The following DOCK3 variants were observed in gnomAD, a reference collection of about 807,000 sequenced individuals.
The protein encoded by DOCK3 is dedicator of cytokinesis 3, also known as dedicator of cytokinesis protein 3.
Under a neutral mutation model 265.6 loss-of-function variants are expected in DOCK3, and 60 were observed. That is an observed-to-expected ratio of 0.23 (90% CI 0.18 to 0.28). The LOEUF is 0.28. Among genes scored for constraint, DOCK3 ranks in the 10% least tolerant of loss-of-function variants. DOCK3 has a pLI of 1.00. For synonymous variants in DOCK3, 881 were observed against 938.0 expected, an observed-to-expected ratio of 0.94 and a Z score of 1.11; for missense variants, 1,981 against 2,594.3, an observed-to-expected ratio of 0.76 and a Z score of 5.14.
intron 5 of DOCK3, among the ~76,000 whole-genome samples, chr3:50,942,349 C>A (rs1166019151): frequency 6.6e-6 from 1 of 151,878 alleles, no homozygotes; most frequent in Middle Eastern, 3.2e-3. Context: ...TTTGTTAAAA[C>A]TAAAATATTT....
At chr3:51,159,156 A>G in intron 10 of DOCK3, 88 bp from the exon 11 acceptor site, 4 of 1,300,524 alleles carry the variant, frequency 3.1e-6, no homozygotes, top group Non-Finnish European at 4.4e-6. Context: ...TATAACATAC[A>G]GTAAAAGCAA....
intron 33 of DOCK3, among the ~76,000 whole-genome samples, chr3:51,332,038 G>T (rs1336482542): frequency 6.6e-6 from 1 of 152,234 alleles, no homozygotes; most frequent in Admixed American, 6.5e-5. Flanking sequence ...TTTCTCAGAA[G>T]CCTGGCCTAG....
chr3:51,248,367 A>G (rs1251236565), intron 22 of DOCK3, among the ~76,000 whole-genome samples: 12 of 152,094 alleles, frequency 7.9e-5, no homozygotes, highest in Non-Finnish European at 1.5e-4. Context: ...TGGTTTTCGT[A>G]TTTTTTTGGT....
chr3:51,264,275 A>G lies in DOCK3; in HGVS notation c.2355+3949A>G, dbSNP rs188711456. Among the ~76,000 whole-genome samples the G allele has an allele frequency of 7.1e-3, 1,086 of 152,284 alleles. 5 individuals are homozygous for G. The highest frequency in any genetic ancestry group is 0.011 in the Non-Finnish European group (748 of 68,016). On this transcript the variant is annotated intron_variant, in intron 23 of 52. Transcript: ENST00000266037. ...GAAACTCACTCAAAACCACACAACTACATGGAAACTGAACAACCTGCTCCT... is the reference window on the plus strand; with the variant it reads ...GAAACTCACTCAAAACCACACAACTGCATGGAAACTGAACAACCTGCTCCT...
At position 51,280,102 on chromosome 3, in the gene DOCK3, C is replaced by G. The variant is rs752278257; in HGVS notation, c.2824-4C>G. On this transcript the variant is annotated splice_polypyrimidine_tract_variant and splice_region_variant and intron_variant, in intron 26 of 52. Coordinates refer to ENST00000266037, the MANE Select transcript of DOCK3 (RefSeq NM_004947.5). ...GCTAAGTGTTTTTTTGGGTTGGTCC[C>G]TAGGGCGAGTATGTGTCCTGCCTTC... 1.2e-6 allele frequency: 2 copies of G among 1,613,258 alleles called. No homozygotes were observed. The highest frequency in any genetic ancestry group is 1.7e-6 in the Non-Finnish European group (2 of 1,179,578).
At chr3:51,199,831 C>T (rs1448002270) in intron 12 of DOCK3, among the ~76,000 whole-genome samples, 5 of 152,166 alleles carry the variant, frequency 3.3e-5, no homozygotes, top group African/African-American at 1.2e-4. Context: ...TCCTCTGAGA[C>T]AAAACTTCCA....
intron 9 of DOCK3, among the ~76,000 whole-genome samples, chr3:51,095,467 A>T (rs549434769): frequency 6.6e-6 from 1 of 152,016 alleles, no homozygotes; most frequent in Non-Finnish European, 1.5e-5. Context: ...TTCTTTAAGA[A>T]TGTTGACTAG....
At chr3:50,726,290 A>T (rs1268369558) in intron 1 of DOCK3, among the ~76,000 whole-genome samples, 1 of 152,164 alleles carries the variant, frequency 6.6e-6, no homozygotes, top group Non-Finnish European at 1.5e-5. Flanking sequence ...TCAGCCATTC[A>T]GAAGAAGGGA....
intron 1 of DOCK3, among the ~76,000 whole-genome samples, chr3:50,751,736 A>G (rs537801171): frequency 6.6e-6 from 1 of 152,312 alleles, no homozygotes; most frequent in South Asian, 2.1e-4. Flanking sequence ...CAGGTAATTT[A>G]TAAAGGAAAG....
chr3:50,841,435 T>A (rs2045819355), intron 2 of DOCK3, among the ~76,000 whole-genome samples: 2 of 152,206 alleles, frequency 1.3e-5, no homozygotes, highest in East Asian at 3.8e-4. Context: ...AAGTCTTTTC[T>A]AATTGCATTT....
intron 5 of DOCK3, among the ~76,000 whole-genome samples, chr3:51,003,415 A>G (rs2078554724): frequency 6.6e-6 from 1 of 152,256 alleles, no homozygotes; most frequent in African/African-American, 2.4e-5. Flanking sequence ...TATATTGGTG[A>G]AACTTAAAAA....
At chr3:50,887,849 G>A (rs952734317) in intron 3 of DOCK3, among the ~76,000 whole-genome samples, 6 of 150,678 alleles carry the variant, frequency 4.0e-5, no homozygotes, top group African/African-American at 7.3e-5. Context: ...AAACTATACC[G>A]ATTGAACGTA....
intron 4 of DOCK3, among the ~76,000 whole-genome samples, chr3:50,930,606 C>T (rs1031151581): frequency 6.6e-6 from 1 of 152,222 alleles, no homozygotes; most frequent in African/African-American, 2.4e-5. Context: ...CCCCAGGCTC[C>T]CTTGGTGGCT....
rs1007280904 is a variant in DOCK3, at chr3:50,754,110, C to G, written c.38-24565C>G. ...GGCGGAGGTTGCAGTGAGCCAAGATCGTGCCACTGCACTCCAGCCTGGGTG... is the reference window on the plus strand; with the variant it reads ...GGCGGAGGTTGCAGTGAGCCAAGATGGTGCCACTGCACTCCAGCCTGGGTG... On this transcript the variant is annotated intron_variant, in intron 1 of 52. Transcript: ENST00000266037. Among the ~76,000 whole-genome samples the G allele has an allele frequency of 3.3e-5, 4 of 121,398 alleles. No individual in the cohort carries two copies. The Admixed American group carries it at 4.4e-4, about 13-fold the overall frequency. The allele number at this position is 121,398 out of a possible 152,430, so 79.6% of individuals were successfully genotyped here. A position where few individuals can be genotyped will look rare whatever the true frequency, so the allele number is the denominator to read the frequency against.
rs1357427883 is a variant in DOCK3, at chr3:51,359,996, T to C, written c.4885-515T>C. 6.6e-6 allele frequency among the ~76,000 whole-genome samples: 1 copy of C among 152,240 alleles called. No individual in the cohort carries two copies. The highest frequency in any genetic ancestry group is 1.5e-5 in the Non-Finnish European group (1 of 68,048). ...TAATTAAGCTAAAATAGAGCTGTGC[T>C]ATTTTTCAGTTACATACATCAGGAT... is the stretch of plus-strand genomic sequence containing the variant. On this transcript the variant is annotated intron_variant, in intron 46 of 52. Transcript: ENST00000266037. The surrounding 1 kb of genome is among the most constrained non-coding windows in gnomAD (Gnocchi z 4.8).
intron 3 of DOCK3, chr3:50,863,323 A>C: frequency 2.0e-6 from 1 of 488,992 alleles, no homozygotes; most frequent in South Asian, 1.6e-5. Context: ...TTCAGGTCTG[A>C]GGGGAATGCA....
At chr3:50,970,983 T>A (rs2077214749) in intron 5 of DOCK3, among the ~76,000 whole-genome samples, 1 of 101,550 alleles carries the variant, frequency 9.8e-6, no homozygotes, top group South Asian at 3.2e-4. Context: ...TATATATTTT[T>A]TTTATTTTAA....
At chr3:50,770,040 T>G (rs1405158721) in intron 1 of DOCK3, among the ~76,000 whole-genome samples, 1 of 152,064 alleles carries the variant, frequency 6.6e-6, no homozygotes, top group Non-Finnish European at 1.5e-5. Context: ...CTCTAAGATC[T>G]GGAACAGGAC....
At chr3:51,235,502 G>A (rs2078314777) in intron 19 of DOCK3, among the ~76,000 whole-genome samples, 1 of 152,164 alleles carries the variant, frequency 6.6e-6, no homozygotes, top group Non-Finnish European at 1.5e-5. Flanking sequence ...TCAAGCATAT[G>A]CAGAAGTATA....
Sources: allele counts gnomAD v4.1 joint callset (sites outside exome capture counted in the v4.1 genomes callset), GRCh38; gene constraint gnomAD v4.1.1; non-coding constraint Gnocchi (gnomAD v3.1); transcripts MANE v1.5; gene names NCBI Gene and HGNC (gene_info 2026-07-23, HGNC 2026-07-21).